The following LINGO2 variants were observed in gnomAD, a reference collection of about 807,000 sequenced individuals.
LINGO2 encodes leucine rich repeat and Ig domain containing 2.
Under a neutral mutation model 30.6 loss-of-function variants are expected in LINGO2, and 14 were observed. The observed-to-expected ratio is 0.46, with a 90% CI of 0.30 to 0.72. The LOEUF is 0.72. Among genes scored for constraint, LINGO2 ranks in the 30% least tolerant of loss-of-function variants. The pLI, the probability that LINGO2 is intolerant of heterozygous loss-of-function variation, is 0.07. For synonymous variants in LINGO2, 317 were observed against 288.5 expected, an observed-to-expected ratio of 1.10 and a Z score of -1.00; for missense variants, 729 against 751.7, an observed-to-expected ratio of 0.97 and a Z score of 0.35.
intron 4 of LINGO2, among the ~76,000 whole-genome samples, chr9:28,051,776 G>C (rs1042224151): frequency 1.3e-5 from 2 of 151,974 alleles, no homozygotes; most frequent in East Asian, 1.9e-4. Flanking sequence ...TCAGGAATTT[G>C]TAAGTTGATA....
At chr9:27,950,035 T>A in exon 6 of LINGO2, 1 of 1,614,100 alleles carries the variant, frequency 6.2e-7, no homozygotes, top group Non-Finnish European at 8.5e-7. Flanking sequence ...ATATTGTTGA[T>A]ATTGAGATGC....
At chr9:27,949,063 C>T (rs1823486348) in exon 6 of LINGO2, 2 of 1,614,036 alleles carry the variant, frequency 1.2e-6, no homozygotes, top group Non-Finnish European at 1.7e-6. Flanking sequence ...GTTTTAAGGT[C>T]CAGGGAAAAA....
intron 1 of LINGO2, among the ~76,000 whole-genome samples, chr9:28,639,074 T>G (rs1827435318): frequency 6.6e-6 from 1 of 152,198 alleles, no homozygotes; most frequent in African/African-American, 2.4e-5. Flanking sequence ...CATTTCATTA[T>G]GTACCCAGTA....
At chr9:28,940,892 T>C in the LINGO2 span, among the ~76,000 whole-genome samples, 1 of 152,112 alleles carries the variant, frequency 6.6e-6, no homozygotes, top group African/African-American at 2.4e-5. Flanking sequence ...TAGAGAGTTA[T>C]GCAATTAATT....
chr9:28,185,442 A>G (rs1313111639), intron 4 of LINGO2, among the ~76,000 whole-genome samples: 1 of 152,164 alleles, frequency 6.6e-6, no homozygotes, highest in Non-Finnish European at 1.5e-5. Flanking sequence ...AAATGGTAAA[A>G]AAAAAACTTT....
chr9:28,914,298 A>T, the LINGO2 span, among the ~76,000 whole-genome samples: 1 of 152,314 alleles, frequency 6.6e-6, no homozygotes, highest in South Asian at 2.1e-4. Flanking sequence ...AGATAAAAGT[A>T]TCTTTCTTTT....
At chr9:28,063,080 A>C (rs1825205619) in intron 4 of LINGO2, among the ~76,000 whole-genome samples, 1 of 152,186 alleles carries the variant, frequency 6.6e-6, no homozygotes, top group South Asian at 2.1e-4. Flanking sequence ...ACTCTGACAG[A>C]AGGAAACCAT....
chr9:28,566,761 A>G (rs1823404571), intron 1 of LINGO2, among the ~76,000 whole-genome samples: 1 of 152,188 alleles, frequency 6.6e-6, no homozygotes, highest in African/African-American at 2.4e-5. Context: ...TTTAACATAA[A>G]TGAGTAAAAT....
chr9:28,746,054 T>C, the LINGO2 span, among the ~76,000 whole-genome samples: 1 of 152,124 alleles, frequency 6.6e-6, no homozygotes, highest in African/African-American at 2.4e-5. Context: ...TTATTAATAG[T>C]AAGTAATAAA....
At chr9:28,393,317 T>C (rs1010544188) in intron 2 of LINGO2, among the ~76,000 whole-genome samples, 1 of 152,242 alleles carries the variant, frequency 6.6e-6, no homozygotes, top group Non-Finnish European at 1.5e-5. Flanking sequence ...CTTTGTATTA[T>C]CTCATTAAGT....
the LINGO2 span, among the ~76,000 whole-genome samples, chr9:28,969,024 T>C: frequency 1.7e-4 from 26 of 152,248 alleles, no homozygotes; most frequent in African/African-American, 5.1e-4. Context: ...ATTCAATCAA[T>C]AGTTATATGT....
At chr9:28,419,612 A>G (rs980244612) in intron 2 of LINGO2, among the ~76,000 whole-genome samples, 2 of 152,068 alleles carry the variant, frequency 1.3e-5, no homozygotes, top group African/African-American at 2.4e-5. Flanking sequence ...GATTAAAAAA[A>G]AAAAGAAAAG....
intron 1 of LINGO2, among the ~76,000 whole-genome samples, chr9:28,576,587 G>T (rs565228168): frequency 1.3e-5 from 2 of 152,134 alleles, no homozygotes; most frequent in Non-Finnish European, 2.9e-5. Flanking sequence ...GGTATAACTT[G>T]AGAATAATTC....
At chr9:28,934,708 CG>C in the LINGO2 span, among the ~76,000 whole-genome samples, 3 of 66,970 alleles carry the variant, frequency 4.5e-5, no homozygotes, top group South Asian at 3.5e-4. Flanking sequence ...AATAAAACAA[CG>C]AAAGTAAGAC....
chr9:28,108,972 T>A (rs374181282), intron 4 of LINGO2, among the ~76,000 whole-genome samples: 11 of 152,228 alleles, frequency 7.2e-5, no homozygotes, highest in Admixed American at 5.2e-4. Flanking sequence ...AAAACCCTGA[T>A]GAACATCAAT....
chr9:28,146,975 C>A (rs1380978105), intron 4 of LINGO2, among the ~76,000 whole-genome samples: 1 of 152,180 alleles, frequency 6.6e-6, no homozygotes, highest in African/African-American at 2.4e-5. Context: ...ATACTTGGAT[C>A]CTTCCCATCA....
intron 2 of LINGO2, among the ~76,000 whole-genome samples, chr9:28,475,293 C>G (rs1314710678): frequency 1.3e-5 from 2 of 151,952 alleles, no homozygotes; most frequent in Non-Finnish European, 2.9e-5. Context: ...CTAAAAGAAG[C>G]CTGGCATCTA....
rs72709361 is a variant in LINGO2, at chr9:28,298,118, C to T, written c.-245-2752G>A. 6.3e-3 allele frequency among the ~76,000 whole-genome samples: 952 copies of T among 152,178 alleles called. 5 individuals carry two copies. The highest frequency in any genetic ancestry group is 0.024 in the Middle Eastern group (7 of 294). On this transcript the variant is annotated intron_variant, in intron 3 of 5. Coordinates refer to ENST00000379992, the Ensembl canonical transcript of LINGO2. ...CACCAACTTTCATTATGAAAAAACACGCTTCAAATAATTTTTCACTTATCT... is the reference window on the plus strand; with the variant it reads ...CACCAACTTTCATTATGAAAAAACATGCTTCAAATAATTTTTCACTTATCT...
chr9:28,395,221 C>A (rs1350165210), intron 2 of LINGO2, among the ~76,000 whole-genome samples: 2 of 151,952 alleles, frequency 1.3e-5, no homozygotes, highest in Non-Finnish European at 2.9e-5. Context: ...GCTCTATGAT[C>A]ATAAAATAGA....
Sources: gnomAD v4.1 joint callset for allele counts (sites outside exome capture counted in the v4.1 genomes callset) on GRCh38, gnomAD v4.1.1 for gene constraint, MANE v1.5 for transcripts, NCBI Gene and HGNC (gene_info 2026-07-23, HGNC 2026-07-21) for gene names.